CTNNA3: variants seen among roughly 807,000 people sequenced by gnomAD.
CTNNA3 encodes the protein catenin alpha-3.
Under a neutral mutation model 95.7 loss-of-function variants are expected in CTNNA3, and 76 were observed. The observed-to-expected ratio is 0.79, with a 90% CI of 0.66 to 0.96. The LOEUF (loss-of-function observed/expected upper bound fraction) is 0.96. CTNNA3 is among the 40% of genes least tolerant of loss of function. The probability of loss-of-function intolerance (pLI) is 0.00; values close to 1 mark genes in which losing one functional copy is unlikely to be tolerated. For missense variants in CTNNA3, 1,191 were observed against 1,089.8 expected (o/e 1.09, Z -1.31); for synonymous variants, 431 against 374.4 (o/e 1.15, Z -1.74).
At chr10:67,173,191 C>T (rs1862093458) in intron 7 of CTNNA3, among the ~76,000 whole-genome samples, 1 of 152,146 alleles carries the variant, frequency 6.6e-6, no homozygotes, top group Non-Finnish European at 1.5e-5. Context: ...TGTGGTGCTT[C>T]ACCCAGATTT....
At chr10:67,147,907 C>T (rs1487149115) in intron 7 of CTNNA3, among the ~76,000 whole-genome samples, 2 of 152,104 alleles carry the variant, frequency 1.3e-5, no homozygotes, top group African/African-American at 2.4e-5. Context: ...ATTAGGTAAG[C>T]ATCAAAAATA....
At chr10:66,065,180 C>T (rs897579787) in intron 15 of CTNNA3, among the ~76,000 whole-genome samples, 6 of 151,928 alleles carry the variant, frequency 3.9e-5, no homozygotes, top group Non-Finnish European at 8.8e-5. Context: ...CTCATTCATT[C>T]AAGCTGTGAC....
At chr10:66,099,099 T>C (rs2133725882) in intron 14 of CTNNA3, among the ~76,000 whole-genome samples, 2 of 152,332 alleles carry the variant, frequency 1.3e-5, no homozygotes, top group Middle Eastern at 6.8e-3. Flanking sequence ...TGCCTGGTTC[T>C]AGCGCATGTG....
chr10:67,392,462 T>C (rs973773134), intron 5 of CTNNA3, among the ~76,000 whole-genome samples: 97 of 152,346 alleles, frequency 6.4e-4, no homozygotes, highest in African/African-American at 2.1e-3. Flanking sequence ...TTGGTGGGAC[T>C]GTAAACTACT....
At chr10:66,398,969 G>A (rs1245312279) in intron 11 of CTNNA3, among the ~76,000 whole-genome samples, 2 of 151,894 alleles carry the variant, frequency 1.3e-5, no homozygotes, top group Non-Finnish European at 2.9e-5. Context: ...TTTTACTTTA[G>A]TTTTCATTTT....
chr10:67,761,722 C>T (rs954699647), intron 1 of CTNNA3, among the ~76,000 whole-genome samples: 29 of 151,890 alleles, frequency 1.9e-4, no homozygotes, highest in African/African-American at 6.3e-4. Context: ...ACCAAAAATA[C>T]AAAAAATTAC....
At chr10:66,702,730 A>AG (rs57114891) in intron 9 of CTNNA3, among the ~76,000 whole-genome samples, 1 of 123,348 alleles carries the variant, frequency 8.1e-6, no homozygotes. Flanking sequence ...AAAAAAAAGA[A>AG]TAAGTAGTAG....
At chr10:66,833,004 C>A (rs929269092) in intron 7 of CTNNA3, among the ~76,000 whole-genome samples, 2 of 152,168 alleles carry the variant, frequency 1.3e-5, no homozygotes, top group African/African-American at 2.4e-5. Context: ...CAGTTCACCC[C>A]CTTCCTGAAT....
intron 10 of CTNNA3, among the ~76,000 whole-genome samples, chr10:66,609,218 C>T (rs983285021): frequency 6.6e-6 from 1 of 151,318 alleles, no homozygotes; most frequent in Admixed American, 6.6e-5. Context: ...TGCCACCATG[C>T]CAGGCTAAAT....
At chr10:66,422,654 T>C (rs541234579) in intron 11 of CTNNA3, among the ~76,000 whole-genome samples, 1 of 152,290 alleles carries the variant, frequency 6.6e-6, no homozygotes, top group African/African-American at 2.4e-5. Flanking sequence ...AGAGAAATGC[T>C]ATGTTTATTT....
chr10:66,951,038 T>C (rs1848511088), intron 7 of CTNNA3, among the ~76,000 whole-genome samples: 1 of 152,074 alleles, frequency 6.6e-6, no homozygotes, highest in Admixed American at 6.6e-5. Context: ...TTTGCCTTGC[T>C]GCACTGTATT....
At chr10:66,200,114 C>T (rs1027915777) in intron 13 of CTNNA3, among the ~76,000 whole-genome samples, 6 of 151,224 alleles carry the variant, frequency 4.0e-5, no homozygotes, top group East Asian at 2.0e-4. Context: ...CGCATACACA[C>T]GCACACATAC....
intron 7 of CTNNA3, among the ~76,000 whole-genome samples, chr10:66,911,556 A>G (rs527970269): frequency 1.3e-5 from 2 of 152,166 alleles, no homozygotes; most frequent in Non-Finnish European, 2.9e-5. Flanking sequence ...TTTGACTTCA[A>G]AGAAGACAGA....
chr10:66,025,232 G>A (rs56067524), intron 15 of CTNNA3, among the ~76,000 whole-genome samples: 36,533 of 151,954 alleles, frequency 0.24, 4,733 homozygotes, highest in East Asian at 0.51. Flanking sequence ...GGTTAATGAG[G>A]ACAAGGTCAC....
At chr10:67,558,788 A>T (rs1281754856) in intron 3 of CTNNA3, among the ~76,000 whole-genome samples, 1 of 152,208 alleles carries the variant, frequency 6.6e-6, no homozygotes, top group Admixed American at 6.5e-5. Flanking sequence ...CCACCCTAAT[A>T]CTGCGCTTTT....
intron 7 of CTNNA3, among the ~76,000 whole-genome samples, chr10:67,007,476 A>T (rs1002252034): frequency 1.3e-5 from 2 of 152,068 alleles, no homozygotes; most frequent in African/African-American, 2.4e-5. Flanking sequence ...TAAGAGATAA[A>T]ATATTTGACA....
chr10:67,578,996 G>GATATATAT (rs533690910), intron 3 of CTNNA3, among the ~76,000 whole-genome samples: 159 of 87,188 alleles, frequency 1.8e-3, no homozygotes, highest in Non-Finnish European at 2.6e-3. Flanking sequence ...TGATCATAGT[G>GATATATAT]ATATATATAT....
intron 7 of CTNNA3, among the ~76,000 whole-genome samples, chr10:67,143,361 G>A (rs980584349): frequency 7.0e-6 from 1 of 142,602 alleles, no homozygotes; most frequent in Non-Finnish European, 1.5e-5. Context: ...GGTGGAGGTT[G>A]TAGTGAGCCG....
In CTNNA3 at chr10:66,016,354, G is replaced by A. The variant is rs190096625; in HGVS notation, c.2160-27557C>T. Among the ~76,000 whole-genome samples, 172 of 152,128 alleles carry A rather than the reference G, an allele frequency of 1.1e-3. 1 individual carries two copies. The highest frequency in any genetic ancestry group is 4.0e-3 in the African/African-American group (167 of 41,512). On this transcript the variant is annotated intron_variant, in intron 15 of 17. Coordinates refer to ENST00000433211, the MANE Select transcript of CTNNA3 (RefSeq NM_013266.4). ...AGTGGCTGTGCTATGAATGACATAT[G>A]CCCTTACTTCAATCCAACAGGGAAG...
Sources: allele counts gnomAD v4.1 joint callset (sites outside exome capture counted in the v4.1 genomes callset), GRCh38; gene constraint gnomAD v4.1.1; transcripts MANE v1.5; gene names NCBI Gene and HGNC (gene_info 2026-07-23, HGNC 2026-07-21).